GABRG1: variants seen among roughly 807,000 people sequenced by gnomAD.
GABRG1 encodes the protein gamma-aminobutyric acid type A receptor subunit gamma1.
In GABRG1, 49 loss-of-function variants were observed where a neutral mutation model predicts 49.8. The observed-to-expected ratio is 0.98, with a 90% confidence interval of 0.78 to 1.25. The LOEUF is 1.25. Ranked by LOEUF, GABRG1 falls within the 50% of genes most tolerant of loss-of-function variation. GABRG1 has a pLI of 0.00. For missense variants in GABRG1, 552 were observed against 552.3 expected (o/e 1.00, Z 0.01); for synonymous variants, 232 against 185.1 (o/e 1.25, Z -2.06).
intron 1 of GABRG1, among the ~76,000 whole-genome samples, chr4:46,113,942 G>A (rs1023120472): frequency 6.6e-6 from 1 of 151,052 alleles, no homozygotes; most frequent in Non-Finnish European, 1.5e-5. Flanking sequence ...GAAAAGAAAC[G>A]TATCTTCTGA....
At position 46,060,658 on chromosome 4, in the gene GABRG1, T is replaced by C. The variant is rs147159876; in HGVS notation, c.626-2036A>G. 2.3e-4 allele frequency among the ~76,000 whole-genome samples: 35 copies of C among 152,340 alleles called. 1 individual carries two copies. The East Asian group carries it at 6.4e-3, about 28-fold the overall frequency. Reference sequence around the variant, plus strand: ...CATGTATTTTGCACTAGGATCTCTATTAGTCATGCAATGAAATAGTTATCA... The same window carrying C: ...CATGTATTTTGCACTAGGATCTCTACTAGTCATGCAATGAAATAGTTATCA... On this transcript the variant is annotated intron_variant, in intron 5 of 8. Transcript: ENST00000295452.
rs566379202 is a variant in GABRG1 at position 46,058,377 on chromosome 4, A to G, written c.764-8T>C. Reference sequence around the variant, plus strand: ...TCATGATAACATAATCCCCTGTAAGAAAAAAAAGTTTTATTTTGGCTATAT... The same window carrying G: ...TCATGATAACATAATCCCCTGTAAGGAAAAAAAGTTTTATTTTGGCTATAT... On this transcript the variant is annotated splice_polypyrimidine_tract_variant and splice_region_variant and intron_variant, in intron 6 of 8. Coordinates refer to ENST00000295452, the MANE Select transcript of GABRG1 (RefSeq NM_173536.4). The G allele has an allele frequency of 1.8e-5, 28 of 1,597,586 alleles. No homozygotes were observed. The South Asian group carries it at 1.9e-4, about 11-fold the overall frequency.
At position 46,058,524 on chromosome 4, in the gene GABRG1, C is replaced by G. The variant is rs1413308583; in HGVS notation, c.724G>C (p.Gly242Arg). 4 of 1,613,108 alleles carry G rather than the reference C, an allele frequency of 2.5e-6. No individual in the cohort carries two copies. Among genetic ancestry groups the G allele is most frequent in the African/African-American group, 1.3e-5 (1 of 74,848 alleles). ...GTGATTTCAGTTGAGTTCCGTAACC[C>G]TACAAATGCAAACTGATATAATCTC... is the stretch of plus-strand genomic sequence containing the variant. ...YWRLYQFAFV[G>R]LRNSTEITHT... Residue 242 changes from glycine (G) to arginine (R), a missense_variant, in exon 6 of 9, where the codon GGG becomes CGG. By Grantham distance (125) the Gly-to-Arg change is moderately radical. Transcript: ENST00000295452.
Position 46,058,766 on chromosome 4 carries a change from A to T in GABRG1, c.626-144T>A, listed in dbSNP as rs948775706. 1.7e-5 allele frequency: 11 copies of T among 631,192 alleles called. No homozygotes were observed. In the Admixed American group the frequency reaches 2.7e-4, roughly 15 times the overall value. 39.1% of individuals were successfully genotyped at this position (631,192 alleles called of 1,614,324 possible). On this transcript the variant is annotated intron_variant, in intron 5 of 8. Coordinates refer to ENST00000295452, the MANE Select transcript of GABRG1 (RefSeq NM_173536.4). ...AACATAGAATATTTGAATACAATAAATATTAATAAGCAGAGTTTAATGACT... is the reference window on the plus strand; with the variant it reads ...AACATAGAATATTTGAATACAATAATTATTAATAAGCAGAGTTTAATGACT...
intron 1 of GABRG1, among the ~76,000 whole-genome samples, chr4:46,121,226 A>G (rs1019803656): frequency 6.6e-6 from 1 of 151,926 alleles, no homozygotes; most frequent in Non-Finnish European, 1.5e-5. Flanking sequence ...TATTTTGGAA[A>G]TCATATAAAA....
At chr4:46,094,277 G>A (rs1720099453) in intron 2 of GABRG1, among the ~76,000 whole-genome samples, 1 of 151,890 alleles carries the variant, frequency 6.6e-6, no homozygotes, top group Non-Finnish European at 1.5e-5. Flanking sequence ...GACTGTAAAT[G>A]TCAAACAAGC....
At chr4:46,118,337 A>G (rs1720996400) in intron 1 of GABRG1, among the ~76,000 whole-genome samples, 1 of 150,240 alleles carries the variant, frequency 6.7e-6, no homozygotes, top group African/African-American at 2.4e-5. Context: ...ACTTATGCCT[A>G]TGACAGCTGA....
intron 2 of GABRG1, among the ~76,000 whole-genome samples, chr4:46,095,620 G>A (rs1720140807): frequency 6.6e-6 from 1 of 151,760 alleles, no homozygotes; most frequent in South Asian, 2.1e-4. Context: ...CAAGTTACCA[G>A]TGCAATTAGG....
intron 1 of GABRG1, among the ~76,000 whole-genome samples, chr4:46,113,869 T>C (rs1720794423): frequency 6.6e-6 from 1 of 150,976 alleles, no homozygotes; most frequent in South Asian, 2.1e-4. Flanking sequence ...ACAAGTTAGG[T>C]AGTATTTATT....
chr4:46,059,649 G>A (rs1718596549), intron 5 of GABRG1, among the ~76,000 whole-genome samples: 1 of 151,978 alleles, frequency 6.6e-6, no homozygotes, highest in South Asian at 2.1e-4. Context: ...CTGACCTCAG[G>A]TGATCTGCTC....
At chr4:46,052,897 C>T (rs1718283709) in intron 7 of GABRG1, among the ~76,000 whole-genome samples, 1 of 151,776 alleles carries the variant, frequency 6.6e-6, no homozygotes. Context: ...TACTCACAAA[C>T]CTGTCATTTC....
intron 5 of GABRG1, among the ~76,000 whole-genome samples, chr4:46,062,005 T>C (rs930533879): frequency 1.3e-5 from 2 of 148,638 alleles, no homozygotes; most frequent in African/African-American, 4.9e-5. Flanking sequence ...TACGTATATC[T>C]CCTAATGCTA....
chr4:46,050,086 G>A (rs1289191432), intron 8 of GABRG1, among the ~76,000 whole-genome samples: 1 of 151,874 alleles, frequency 6.6e-6, no homozygotes, highest in African/African-American at 2.4e-5. Flanking sequence ...TTTGATGAAA[G>A]GAAAATTGTA....
intron 3 of GABRG1, among the ~76,000 whole-genome samples, chr4:46,072,639 T>C (rs571529937): frequency 3.8e-4 from 58 of 152,206 alleles, no homozygotes; most frequent in Non-Finnish European, 6.8e-4. Flanking sequence ...CCATTACCTA[T>C]AGATTATTGT....
intron 3 of GABRG1, among the ~76,000 whole-genome samples, chr4:46,066,130 T>C (rs1718912447): frequency 6.6e-6 from 1 of 152,328 alleles, no homozygotes; most frequent in Admixed American, 6.5e-5. Context: ...GTGTGAATTT[T>C]ACTCAAGATT....
intron 7 of GABRG1, 100 bp from the exon 8 acceptor site, chr4:46,051,738 AC>A (rs1718232523): frequency 1.5e-6 from 1 of 659,176 alleles, no homozygotes; most frequent in Non-Finnish European, 2.5e-6. Flanking sequence ...AACAATAGAA[AC>A]AAAAATATGA....
intron 2 of GABRG1, among the ~76,000 whole-genome samples, chr4:46,094,023 A>G (rs1337252906): frequency 2.0e-5 from 3 of 152,004 alleles, no homozygotes; most frequent in Non-Finnish European, 2.9e-5. Context: ...TATACCTAGA[A>G]CACAGGCTAA....
intron 1 of GABRG1, among the ~76,000 whole-genome samples, chr4:46,111,417 A>T (rs965668528): frequency 2.0e-5 from 3 of 151,122 alleles, no homozygotes; most frequent in Non-Finnish European, 4.5e-5. Context: ...GCCATATCGG[A>T]CAAAGCAATT....
Position 46,055,037 on chromosome 4 carries a change from C to T in GABRG1, c.916+3180G>A, listed in dbSNP as rs1202884592. Among the ~76,000 whole-genome samples, 3 of 86,656 alleles carry T rather than the reference C, an allele frequency of 3.5e-5. 1 individual carries two copies. The highest frequency in any genetic ancestry group is 1.2e-4 in the Admixed American group (1 of 8,516). The allele number at this position is 86,656 out of a possible 152,430, so 56.8% of individuals were successfully genotyped here. ...TAGGCATTACCATTCAGGACATAGG[C>T]GTGGGCAAGGACTTCATGTCCAAAA... On this transcript the variant is annotated intron_variant, in intron 7 of 8. Coordinates refer to ENST00000295452, the MANE Select transcript of GABRG1 (RefSeq NM_173536.4).
Sources: allele counts gnomAD v4.1 joint callset (sites outside exome capture counted in the v4.1 genomes callset), GRCh38; gene constraint gnomAD v4.1.1; transcripts MANE v1.5; gene names NCBI Gene and HGNC (gene_info 2026-07-23, HGNC 2026-07-21).